Variants in ZNF362 observed in about 807,000 individuals in gnomAD.
ZNF362 encodes the protein zinc finger protein 362, also known as rotund homolog.
A neutral mutation model predicts 42.9 loss-of-function variants in ZNF362; 11 were observed. The ratio of observed to expected loss-of-function variants is 0.26; its 90% CI spans 0.16 to 0.42. The LOEUF (loss-of-function observed/expected upper bound fraction) is 0.42, where lower values mean the gene tolerates loss of function less well. ZNF362 is among the 20% of genes least tolerant of loss of function. The pLI, the probability that ZNF362 is intolerant of heterozygous loss-of-function variation, is 1.00. For missense variants in ZNF362, 362 were observed against 576.2 expected (o/e 0.63, Z 3.81); for synonymous variants, 255 against 257.3 (o/e 0.99, Z 0.09).
At chr1:33,267,418 G>A (rs1477498563) in intron 1 of ZNF362, among the ~76,000 whole-genome samples, 2 of 152,110 alleles carry the variant, frequency 1.3e-5, no homozygotes, top group Admixed American at 1.3e-4. Context: ...TTATATAGAT[G>A]TCCTTGCTCC....
chr1:33,271,761 GTGTC>G (rs1283563547), intron 2 of ZNF362, among the ~76,000 whole-genome samples: 1 of 152,074 alleles, frequency 6.6e-6, no homozygotes, highest in Non-Finnish European at 1.5e-5. Flanking sequence ...AGATCACTGT[GTGTC>G]TGCAGGAGCA....
At chr1:33,237,451 C>T in the ZNF362 span, among the ~76,000 whole-genome samples, 23 of 152,298 alleles carry the variant, frequency 1.5e-4, no homozygotes, top group Admixed American at 1.2e-3. Flanking sequence ...TGACCTTCTC[C>T]TCACAGTTGC....
chr1:33,225,263 T>C, the ZNF362 span, among the ~76,000 whole-genome samples: 1 of 152,156 alleles, frequency 6.6e-6, no homozygotes, highest in Non-Finnish European at 1.5e-5. Flanking sequence ...CCCTTTGAAA[T>C]GGTAACACAC....
At chr1:33,158,717 GTTA>G in the ZNF362 span, among the ~76,000 whole-genome samples, 1 of 152,230 alleles carries the variant, frequency 6.6e-6, no homozygotes, top group Non-Finnish European at 1.5e-5. Context: ...ATGACTAAGT[GTTA>G]TTACTACTAA....
At chr1:33,226,457 A>G in the ZNF362 span, among the ~76,000 whole-genome samples, 1 of 152,238 alleles carries the variant, frequency 6.6e-6, no homozygotes, top group Non-Finnish European at 1.5e-5. Flanking sequence ...AATCTCCATA[A>G]GCTGATGAAT....
the ZNF362 span, among the ~76,000 whole-genome samples, chr1:33,127,769 T>G: frequency 1.3e-5 from 2 of 152,242 alleles, no homozygotes; most frequent in Non-Finnish European, 2.9e-5. Flanking sequence ...AATATAAAGG[T>G]CTTTGAAATA....
At chr1:33,165,826 A>C in the ZNF362 span, 1 of 320,604 alleles carries the variant, frequency 3.1e-6, no homozygotes, top group Non-Finnish European at 5.7e-6. The surrounding 1 kb of genome is among the most constrained non-coding windows in gnomAD (Gnocchi z 4.0). Flanking sequence ...GTGACAATCG[A>C]CTTCCACATA....
chr1:33,268,092 A>C (rs886295681), intron 1 of ZNF362, among the ~76,000 whole-genome samples: 7 of 152,238 alleles, frequency 4.6e-5, no homozygotes, highest in African/African-American at 1.7e-4. Context: ...ATGGAAGCAG[A>C]ACCATTTTCT....
the ZNF362 span, among the ~76,000 whole-genome samples, chr1:33,222,933 C>CT: frequency 1.1e-4 from 17 of 152,058 alleles, no homozygotes; most frequent in African/African-American, 4.1e-4. Flanking sequence ...GTGAATAAGT[C>CT]TCATGAGATC....
chr1:33,222,398 A>G, the ZNF362 span, among the ~76,000 whole-genome samples: 1 of 152,204 alleles, frequency 6.6e-6, no homozygotes, highest in African/African-American at 2.4e-5. Context: ...CCAGGCTGCC[A>G]GCATCTCTCA....
chr1:33,159,540 A>G, the ZNF362 span: 4 of 1,197,646 alleles, frequency 3.3e-6, 1 homozygote, highest in Non-Finnish European at 2.3e-6. This position sits in a 1 kb window ranked among gnomAD's most constrained non-coding sequence, Gnocchi z 4.2. Flanking sequence ...TCATGCTCCT[A>G]CCCATAGCAG....
At chr1:33,192,875 C>T in the ZNF362 span, among the ~76,000 whole-genome samples, 1 of 151,810 alleles carries the variant, frequency 6.6e-6, no homozygotes, top group African/African-American at 2.4e-5. Context: ...TCTGCAGCTT[C>T]CTATGAATGT....
At chr1:33,209,759 C>T in the ZNF362 span, among the ~76,000 whole-genome samples, 108,308 of 151,692 alleles carry the variant, frequency 0.71, 39,018 homozygotes, top group Non-Finnish European at 0.76. Context: ...TCTGTGGGAT[C>T]GGTGGTGATA....
At chr1:33,245,897 A>G in the ZNF362 span, among the ~76,000 whole-genome samples, 1 of 152,146 alleles carries the variant, frequency 6.6e-6, no homozygotes, top group African/African-American at 2.4e-5. Flanking sequence ...CCATGATTGC[A>G]CCACTGCACT....
At chr1:33,128,038 A>G in the ZNF362 span, among the ~76,000 whole-genome samples, 1 of 152,088 alleles carries the variant, frequency 6.6e-6, no homozygotes, top group African/African-American at 2.4e-5. Context: ...AATAGTATCT[A>G]CCTTATACCA....
At chr1:33,159,413 C>T in the ZNF362 span, among the ~76,000 whole-genome samples, 1 of 152,010 alleles carries the variant, frequency 6.6e-6, no homozygotes, top group East Asian at 1.9e-4. This position sits in a 1 kb window ranked among gnomAD's most constrained non-coding sequence, Gnocchi z 4.2. Context: ...CTCCTGCACC[C>T]CTAGAGCCAA....
chr1:33,251,020 G>T, the ZNF362 span, among the ~76,000 whole-genome samples: 1 of 152,160 alleles, frequency 6.6e-6, no homozygotes, highest in South Asian at 2.1e-4. Flanking sequence ...CATTTAAGCC[G>T]ACATGAGAGA....
intron 2 of ZNF362, 140 bp downstream of exon 2, chr1:33,270,752 A>AC (rs1645896983): frequency 3.5e-6 from 5 of 1,443,412 alleles, no homozygotes; most frequent in Admixed American, 2.7e-5. Flanking sequence ...GTGTGTGCTT[A>AC]CCCTCCTGTA....
chr1:33,191,655 C>T, the ZNF362 span, among the ~76,000 whole-genome samples: 8 of 152,084 alleles, frequency 5.3e-5, no homozygotes, highest in African/African-American at 1.4e-4. Context: ...CAGGTGTGCA[C>T]CACCACACCT....
Sources: gnomAD v4.1 joint callset for allele counts (sites outside exome capture counted in the v4.1 genomes callset) on GRCh38, gnomAD v4.1.1 for gene constraint, Gnocchi (gnomAD v3.1) non-coding constraint, MANE v1.5 for transcripts, NCBI Gene and HGNC (gene_info 2026-07-23, HGNC 2026-07-21) for gene names.